Variants in BLMH observed in about 807,000 individuals in gnomAD.
The protein encoded by BLMH is bleomycin hydrolase.
A neutral mutation model predicts 61.6 loss-of-function variants in BLMH; 32 were observed. The ratio of observed to expected loss-of-function variants is 0.52; its 90% CI spans 0.39 to 0.70. BLMH has a LOEUF of 0.70. Ranked by LOEUF, BLMH falls within the 30% of genes least tolerant of loss-of-function variation. The probability of loss-of-function intolerance (pLI) is 0.00; values close to 1 mark genes in which losing one functional copy is unlikely to be tolerated. For missense variants in BLMH, 460 were observed against 555.5 expected, an observed-to-expected ratio of 0.83 and a Z score of 1.73; for synonymous variants, 183 against 193.8, an observed-to-expected ratio of 0.94 and a Z score of 0.46.
intron 6 of BLMH, among the ~76,000 whole-genome samples, chr17:30,279,183 CAGA>C (rs1401350125): frequency 6.6e-6 from 1 of 152,188 alleles, no homozygotes; most frequent in East Asian, 1.9e-4. Flanking sequence ...TTAAAAAGAA[CAGA>C]AGAAGCCAAT....
intron 11 of BLMH, among the ~76,000 whole-genome samples, chr17:30,254,546 T>A (rs1478123734): frequency 6.6e-6 from 1 of 152,016 alleles, no homozygotes; most frequent in Non-Finnish European, 1.5e-5. Flanking sequence ...TAGATTAGAG[T>A]GGCATATCCA....
At chr17:30,284,957 C>T (rs1232316923) in intron 6 of BLMH, among the ~76,000 whole-genome samples, 4 of 152,192 alleles carry the variant, frequency 2.6e-5, no homozygotes, top group Admixed American at 2.6e-4. Flanking sequence ...ATGAAAGCTT[C>T]AGCTCACTGA....
intron 6 of BLMH, 68 bp downstream of exon 6, chr17:30,285,315 ATTACT>A: frequency 9.6e-7 from 1 of 1,041,282 alleles, no homozygotes. Context: ...CTTCCTAATC[ATTACT>A]TTAACAGATG....
chr17:30,250,889 A>G (rs1306155363), intron 11 of BLMH, among the ~76,000 whole-genome samples: 2 of 152,226 alleles, frequency 1.3e-5, no homozygotes, highest in Admixed American at 1.3e-4. Context: ...ACATCATGGA[A>G]TATTATACTC....
chr17:30,282,338 G>A (rs899008211), intron 6 of BLMH, among the ~76,000 whole-genome samples: 5 of 149,766 alleles, frequency 3.3e-5, no homozygotes, highest in Non-Finnish European at 1.5e-5. Context: ...TGTCTCAGCT[G>A]CCCAAGCAGC....
intron 6 of BLMH, among the ~76,000 whole-genome samples, chr17:30,275,843 C>A (rs1908408131): frequency 6.6e-6 from 1 of 152,156 alleles, no homozygotes; most frequent in South Asian, 2.1e-4. Flanking sequence ...CAGTCACCAC[C>A]CTGATCCAAT....
rs143851019 is a variant in BLMH at position 30,285,731 on chromosome 17, G to A, written c.553-251C>T. 1.9e-4 allele frequency among the ~76,000 whole-genome samples: 29 copies of A among 152,236 alleles called. No individual in the cohort carries two copies. In the East Asian group the frequency reaches 4.6e-3, roughly 24 times the overall value. On this transcript the variant is annotated intron_variant, in intron 5 of 11. Coordinates refer to ENST00000261714, the MANE Select transcript of BLMH (RefSeq NM_000386.4). ...GAACTGCTCCTTCTCTGCAAACATC[G>A]CATAAAGGTGTTTTATGTGTCTGGG...
chr17:30,270,004 G>A (rs1044772648), intron 10 of BLMH, among the ~76,000 whole-genome samples: 1 of 152,194 alleles, frequency 6.6e-6, no homozygotes, highest in Non-Finnish European at 1.5e-5. Flanking sequence ...CACCCTTCAA[G>A]TGAAGTAGTT....
In BLMH at chr17:30,287,916, A is replaced by G; in HGVS notation, c.353T>C (p.Phe118Ser). ...CTCCTTTCTCTGGGCTGTGTCCACA[A>G]AAGCACTCAAGAAGAAATAACAGCG... ...VERCYFFLSAFVDTAQRKEPE... is the reference protein window; with the variant it reads ...VERCYFFLSASVDTAQRKEPE... Residue 118 changes from phenylalanine to serine, a missense_variant, in exon 4 of 12, where the codon TTT (phenylalanine) becomes TCT (serine). Physicochemically the swap from Phe to Ser is radical, Grantham distance 155 (BLOSUM62 -2). Around this residue, in one of 5 missense-constraint regions of BLMH, gnomAD observed 43 missense variants for 38.8 expected, o/e 1.11. Transcript: ENST00000261714. 6.2e-7 allele frequency: 1 copy of G among 1,614,110 alleles called. No individual in the cohort carries two copies. Among genetic ancestry groups the G allele is most frequent in the Non-Finnish European group, 8.5e-7 (1 of 1,179,948 alleles).
intron 11 of BLMH, among the ~76,000 whole-genome samples, chr17:30,250,851 G>A (rs186486603): frequency 7.4e-4 from 113 of 152,222 alleles, no homozygotes; most frequent in Non-Finnish European, 1.3e-3. Flanking sequence ...ATCAACCAAC[G>A]AGTGGATAAA....
intron 6 of BLMH, among the ~76,000 whole-genome samples, chr17:30,274,548 C>CA (rs1332246594): frequency 6.6e-6 from 1 of 152,044 alleles, no homozygotes; most frequent in Non-Finnish European, 1.5e-5. Context: ...TTCAAGTAAC[C>CA]AAAAAATGAC....
chr17:30,259,425 T>C (rs928880958), intron 11 of BLMH, among the ~76,000 whole-genome samples: 2 of 152,166 alleles, frequency 1.3e-5, no homozygotes, highest in Admixed American at 1.3e-4. Context: ...TGACGCCCTC[T>C]AGTCCTGGGC....
rs751745304 is a variant in BLMH, at chr17:30,249,144, C to A, written c.1241G>T (p.Trp414Leu). 6.2e-7 allele frequency: 1 copy of A among 1,614,088 alleles called. No homozygotes were observed. Among genetic ancestry groups the A allele is most frequent in the Non-Finnish European group, 8.5e-7 (1 of 1,179,960 alleles). The change falls in exon 12 of 12, where the codon TGG (tryptophan) becomes TTG (leucine). Residue 414 changes from tryptophan (W) to leucine (L), a missense_variant. By Grantham distance (61) the Trp-to-Leu change is moderately conservative. This residue lies in a region of BLMH where 310 missense variants were observed against 371.1 expected (regional missense o/e 0.84). Transcript: ENST00000261714. ...HKGYLCMTDE[W>L]FSEYVYEVVV... The stretch of plus-strand genomic sequence containing the variant: ...CACTTCGTAGACATACTCAGAGAAC[C>A]ACTCATCTGTCATGCACAGGTAACC...
rs767406208 is a variant in BLMH at position 30,291,837 on chromosome 17, G to C, written c.-18C>G. ...CTGCTCATGGCGCCCACGCTGCCCG[G>C]CGGGGTAACGGTAGCTTCCAGGGTC... On this transcript the variant is annotated 5_prime_UTR_variant, in exon 1 of 12. Transcript: ENST00000261714. The C allele has an allele frequency of 4.2e-4, 561 of 1,340,272 alleles. No individual in the cohort carries two copies. The Middle Eastern group carries it at 5.4e-3, about 13-fold the overall frequency. The allele number at this position is 1,340,272 out of a possible 1,614,324, so 83.0% of individuals were successfully genotyped here. A position where few individuals can be genotyped will look rare whatever the true frequency, so the allele number is the denominator to read the frequency against.
At chr17:30,259,556 GAAA>G (rs1300939838) in intron 11 of BLMH, among the ~76,000 whole-genome samples, 1 of 151,196 alleles carries the variant, frequency 6.6e-6, no homozygotes, top group Admixed American at 6.6e-5. Context: ...TGCCCTCTTG[GAAA>G]AAAAATCATC....
Position 30,285,387 on chromosome 17 carries a change from C to A in BLMH, c.645+1G>T. ...CAAAAAAATCCAAATTTTGTTATTA[C>A]CTCCTCCATCATGACGTCCTGTGTG... On this transcript the variant is annotated splice_donor_variant, in intron 6 of 11. Transcript: ENST00000261714. LOFTEE classifies it high-confidence loss of function. The A allele has an allele frequency of 6.2e-7, 1 of 1,605,184 alleles. No individual in the cohort carries two copies.
intron 10 of BLMH, 134 bp from the exon 11 acceptor site, chr17:30,267,088 A>C: frequency 1.5e-6 from 1 of 671,542 alleles, no homozygotes. Context: ...CTATACAGGC[A>C]GCCTGCTCTA....
In BLMH at chr17:30,271,307, C is replaced by A; in HGVS notation, c.1110G>T (p.Met370Ile). The A allele has an allele frequency of 6.2e-7, 1 of 1,614,080 alleles. No individual in the cohort carries two copies. Among genetic ancestry groups the A allele is most frequent in the Non-Finnish European group, 8.5e-7 (1 of 1,179,970 alleles). The change falls in exon 10 of 12, where the codon ATG (methionine) becomes ATT (isoleucine). Residue 370 changes from methionine to isoleucine, a missense_variant. Around this residue, in one of 5 missense-constraint regions of BLMH, gnomAD observed 310 missense variants for 371.1 expected, o/e 0.84. Coordinates refer to ENST00000261714, the MANE Select transcript of BLMH (RefSeq NM_000386.4). Reference protein sequence around the residue: ...AERLTFGESLMTHAMTFTAVS... With the variant: ...AERLTFGESLITHAMTFTAVS... ...CAGCAGTGAAGGTCATGGCGTGGGT[C>A]ATAAGTGACTCACCAAAAGTCAGCC...
intron 6 of BLMH, among the ~76,000 whole-genome samples, chr17:30,275,615 G>A (rs1255305969): frequency 6.6e-6 from 1 of 152,108 alleles, no homozygotes; most frequent in Non-Finnish European, 1.5e-5. Flanking sequence ...GAACCCAGGA[G>A]GCAGAGGTTG....
Sources: allele counts gnomAD v4.1 joint callset (sites outside exome capture counted in the v4.1 genomes callset), GRCh38; gene constraint gnomAD v4.1.1; regional missense constraint gnomAD v4.1.1; transcripts MANE v1.5; gene names NCBI Gene and HGNC (gene_info 2026-07-23, HGNC 2026-07-21).